FA2H: variants seen among roughly 807,000 people sequenced by gnomAD.
FA2H encodes the protein fatty acid alpha-hydroxylase.
Under a neutral mutation model 44.9 loss-of-function variants are expected in FA2H, and 22 were observed. The observed-to-expected ratio is 0.49, with a 90% CI of 0.35 to 0.70. FA2H has a LOEUF of 0.70. FA2H is among the 30% of genes least tolerant of loss of function. FA2H has a pLI of 0.01. For missense variants in FA2H, 501 were observed against 504.9 expected (o/e 0.99, Z 0.07); for synonymous variants, 243 against 213.2 (o/e 1.14, Z -1.22).
At chr16:74,739,935 A>G (rs951529668) in intron 2 of FA2H, 88 bp downstream of exon 2, 6 of 991,484 alleles carry the variant, frequency 6.1e-6, no homozygotes, top group Admixed American at 3.4e-5. Flanking sequence ...CGTCATGCCC[A>G]CTCCCAGCTT....
intron 6 of FA2H, 30 bp from the exon 7 acceptor site, chr16:74,714,299 GAGGC>G (rs1336243928): frequency 6.9e-7 from 1 of 1,445,290 alleles, no homozygotes; most frequent in South Asian, 1.2e-5. Context: ...GGGAGAAGAT[GAGGC>G]ATTGAAGGAG....
At chr16:74,774,435 G>A in intron 1 of FA2H, 51 bp downstream of exon 1, 3 of 1,462,110 alleles carry the variant, frequency 2.1e-6, no homozygotes, top group Non-Finnish European at 2.7e-6. Context: ...CCCGGGAGTG[G>A]AAGGCTGACG....
intron 1 of FA2H, among the ~76,000 whole-genome samples, chr16:74,755,927 T>G (rs989749947): frequency 1.9e-4 from 29 of 152,328 alleles, no homozygotes; most frequent in African/African-American, 6.0e-4. Context: ...TATGCCTCCT[T>G]ACAGCCAATG....
intron 1 of FA2H, among the ~76,000 whole-genome samples, chr16:74,748,241 GC>G (rs1366898068): frequency 6.6e-6 from 1 of 152,244 alleles, no homozygotes; most frequent in Admixed American, 6.5e-5. Context: ...TGCGCGTGGA[GC>G]AGTGAAGCAA....
At chr16:74,744,399 G>A (rs1255059750) in intron 1 of FA2H, among the ~76,000 whole-genome samples, 1 of 150,524 alleles carries the variant, frequency 6.6e-6, no homozygotes. Flanking sequence ...CTCAAATGAA[G>A]ATATGTGTGC....
chr16:74,759,779 G>A (rs933682435), intron 1 of FA2H, among the ~76,000 whole-genome samples: 4 of 152,184 alleles, frequency 2.6e-5, no homozygotes, highest in South Asian at 2.1e-4. Flanking sequence ...CCAGGGCCTC[G>A]CCTGCCCTAT....
intron 2 of FA2H, among the ~76,000 whole-genome samples, chr16:74,728,637 C>T (rs1299608349): frequency 2.6e-5 from 4 of 152,102 alleles, no homozygotes; most frequent in African/African-American, 7.2e-5. Flanking sequence ...ATTCTCCAGG[C>T]CTGTTGTCTC....
intron 4 of FA2H, among the ~76,000 whole-genome samples, chr16:74,719,693 G>A (rs1365467838): frequency 2.6e-5 from 4 of 151,986 alleles, no homozygotes; most frequent in South Asian, 2.1e-4. Flanking sequence ...GCATGCCACC[G>A]CACCCAGCTA....
At chr16:74,722,866 G>A (rs567818744) in intron 4 of FA2H, among the ~76,000 whole-genome samples, 7 of 144,468 alleles carry the variant, frequency 4.8e-5, no homozygotes, top group African/African-American at 1.0e-4. Context: ...AGCCAAGATC[G>A]TGCCATTGCA....
chr16:74,735,887 G>T (rs1271102672), intron 2 of FA2H, among the ~76,000 whole-genome samples: 1 of 152,210 alleles, frequency 6.6e-6, no homozygotes, highest in African/African-American at 2.4e-5. Flanking sequence ...GGAAGCTGAG[G>T]TGGGAGGATG....
At position 74,714,184 on chromosome 16, in the gene FA2H, G is replaced by C. The variant is rs367686182; in HGVS notation, c.*6C>G. 4.1e-5 allele frequency: 64 copies of C among 1,548,954 alleles called. No individual in the cohort carries two copies. In the African/African-American group the frequency reaches 7.9e-4, roughly 19 times the overall value. ...GCTGAGGGCAGGACGGAGGGGGTGG[G>C]AGTTGTCACTGCGTCTTCAGGTGGG... On this transcript the variant is annotated 3_prime_UTR_variant, in exon 7 of 7. Transcript: ENST00000219368.
chr16:74,724,287 G>A (rs1232385013), intron 4 of FA2H, among the ~76,000 whole-genome samples: 12 of 152,200 alleles, frequency 7.9e-5, no homozygotes, highest in Admixed American at 6.5e-4. Context: ...GCCGGGCCCC[G>A]CACACCACCC....
Position 74,769,147 on chromosome 16 carries a change from C to T in FA2H, c.270+5339G>A, listed in dbSNP as rs149589110. Among the ~76,000 whole-genome samples the T allele has an allele frequency of 4.6e-3, 706 of 152,308 alleles. 1 individual carries two copies. The highest frequency in any genetic ancestry group is 7.9e-3 in the Non-Finnish European group (536 of 68,022). ...CTCCTCTGTCACTCAGGCTGCAGTG[C>T]AGTGGCATGATCACAGCTTATTGCA... On this transcript the variant is annotated intron_variant, in intron 1 of 6. Coordinates refer to ENST00000219368, the MANE Select transcript of FA2H (RefSeq NM_024306.5).
At chr16:74,741,806 ATATGTGTGTGTG>A (rs1255045964) in intron 1 of FA2H, among the ~76,000 whole-genome samples, 1 of 60,766 alleles carries the variant, frequency 1.6e-5, no homozygotes, top group Admixed American at 2.0e-4. Context: ...ATATATATAT[ATATGTGTGTGTG>A]TGTGTGTGTG....
In FA2H at chr16:74,726,316, G is replaced by A; in HGVS notation, c.522C>T (p.Ile174=). The change falls in exon 4 of 7, where the codon ATC becomes ATT. Residue 174 remains isoleucine, a synonymous_variant. Transcript: ENST00000219368. ...GATACAGCACCAGGGGCACCCAGATGATGGGGACACTGTACCTGCAGGAAG... is the reference window on the plus strand; with the variant it reads ...GATACAGCACCAGGGGCACCCAGATAATGGGGACACTGTACCTGCAGGAAG... ...LSKTVWYSVP[I]IWVPLVLYLS... The A allele has an allele frequency of 6.2e-7, 1 of 1,613,400 alleles. No homozygotes were observed. The highest frequency in any genetic ancestry group is 1.6e-4 in the Middle Eastern group (1 of 6,062).
At position 74,726,295 on chromosome 16, in the gene FA2H, C is replaced by T. The variant is rs750511573; in HGVS notation, c.543G>A (p.Leu181=). 1.9e-6 allele frequency: 3 copies of T among 1,613,904 alleles called. No individual in the cohort carries two copies. Among genetic ancestry groups the T allele is most frequent in the African/African-American group, 1.3e-5 (1 of 74,924 alleles). The change falls in exon 4 of 7, where the codon CTG becomes CTA. Residue 181 remains leucine, a synonymous_variant. Transcript: ENST00000219368. ...TTCGGTAGTAGGACCAGCTGAGATA[C>T]AGCACCAGGGGCACCCAGATGATGG... ...SVPIIWVPLV[L]YLSWSYYRTF...
In FA2H at chr16:74,741,829, T is replaced by TGTGTGC. The variant is rs1555539926; in HGVS notation, c.271-1715_271-1714insGCACAC. Among the ~76,000 whole-genome samples the TGTGTGC allele has an allele frequency of 3.4e-3, 305 of 90,054 alleles. 5 individuals carry two copies. Among genetic ancestry groups the TGTGTGC allele is most frequent in the Non-Finnish European group, 5.4e-3 (226 of 41,776 alleles). 59.1% of individuals were successfully genotyped at this position (90,054 alleles called of 152,430 possible). A position where few individuals can be genotyped will look rare whatever the true frequency, so the allele number is the denominator to read the frequency against. On this transcript the variant is annotated intron_variant, in intron 1 of 6. Transcript: ENST00000219368. ...ATATATGTGTGTGTGTGTGTGTGTG[T>TGTGTGC]GTGTGTGTATGTGTGTGTATGTGTG...
At chr16:74,761,801 G>A (rs1962717079) in intron 1 of FA2H, among the ~76,000 whole-genome samples, 1 of 152,100 alleles carries the variant, frequency 6.6e-6, no homozygotes, top group Non-Finnish European at 1.5e-5. Context: ...AAAAAAAATA[G>A]AAAACTTCAT....
chr16:74,733,510 T>G (rs548141784), intron 2 of FA2H, among the ~76,000 whole-genome samples: 2 of 152,170 alleles, frequency 1.3e-5, no homozygotes, highest in Non-Finnish European at 2.9e-5. Context: ...CCCTGTGCAC[T>G]TGACCTTGAT....
Sources: allele counts gnomAD v4.1 joint callset (sites outside exome capture counted in the v4.1 genomes callset), GRCh38; gene constraint gnomAD v4.1.1; transcripts MANE v1.5; gene names NCBI Gene and HGNC (gene_info 2026-07-23, HGNC 2026-07-21).